The following OSBPL1A variants were observed in gnomAD, a reference collection of about 807,000 sequenced individuals.
The protein encoded by OSBPL1A is oxysterol binding protein like 1A, also known as oxysterol-binding protein-related protein 1.
In OSBPL1A, 80 loss-of-function variants were observed where a neutral mutation model predicts 137.1. The ratio of observed to expected loss-of-function variants is 0.58; its 90% CI spans 0.49 to 0.70. The LOEUF (loss-of-function observed/expected upper bound fraction) is 0.70, where lower values mean the gene tolerates loss of function less well. OSBPL1A is among the 30% of genes least tolerant of loss of function. The pLI is 0.00. For missense variants in OSBPL1A, 970 were observed against 1,129.4 expected (o/e 0.86, Z 2.02); for synonymous variants, 365 against 389.7 (o/e 0.94, Z 0.75).
At chr18:24,296,844 C>T (rs1157947357) in intron 14 of OSBPL1A, among the ~76,000 whole-genome samples, 1 of 152,100 alleles carries the variant, frequency 6.6e-6, no homozygotes, top group Non-Finnish European at 1.5e-5. Flanking sequence ...ATCCCTGGAA[C>T]AAAACCCACC....
chr18:24,183,101 C>T (rs2145926328), intron 18 of OSBPL1A, among the ~76,000 whole-genome samples: 1 of 152,094 alleles, frequency 6.6e-6, no homozygotes, highest in African/African-American at 2.4e-5. Flanking sequence ...GAACTCCTGA[C>T]CTCAAGGGAT....
At chr18:24,182,425 A>G (rs2086630737) in intron 18 of OSBPL1A, among the ~76,000 whole-genome samples, 3 of 152,336 alleles carry the variant, frequency 2.0e-5, no homozygotes, top group East Asian at 1.9e-4. Flanking sequence ...CTTGGGAATC[A>G]GGTCTTTCAT....
At chr18:24,224,635 G>T (rs940176403) in intron 17 of OSBPL1A, among the ~76,000 whole-genome samples, 2 of 152,200 alleles carry the variant, frequency 1.3e-5, no homozygotes, top group African/African-American at 4.8e-5. Flanking sequence ...CAACAGACTG[G>T]CAACATTGCC....
At chr18:24,358,628 G>C in intron 4 of OSBPL1A, 1 of 661,162 alleles carries the variant, frequency 1.5e-6, no homozygotes, top group Non-Finnish European at 2.7e-6. Context: ...ACATAAACAT[G>C]AGAAATGGTC....
At chr18:24,185,408 C>T (rs2086721060) in intron 18 of OSBPL1A, among the ~76,000 whole-genome samples, 1 of 151,862 alleles carries the variant, frequency 6.6e-6, no homozygotes, top group African/African-American at 2.4e-5. Context: ...CAACCTCCGC[C>T]TCCTGGGTTC....
chr18:24,209,581 A>G (rs532194803), intron 17 of OSBPL1A, among the ~76,000 whole-genome samples: 166 of 152,370 alleles, frequency 1.1e-3, no homozygotes, highest in African/African-American at 3.7e-3. Context: ...ATCTAGAAGA[A>G]CATTTATAAA....
Position 24,179,905 on chromosome 18 carries a change from T to G in OSBPL1A, c.1813-70A>C, listed in dbSNP as rs1003466810. 3 of 1,263,292 alleles carry G rather than the reference T, an allele frequency of 2.4e-6. No homozygotes were observed. In the African/African-American group the frequency reaches 4.4e-5, roughly 19 times the overall value. 78.3% of individuals were successfully genotyped at this position (1,263,292 alleles called of 1,614,324 possible). On this transcript the variant is annotated intron_variant, in intron 19 of 27. Transcript: ENST00000319481. ...CTCCGCATTCTTTTAGGAACTGAAA[T>G]TTTGCTGAAGACAGTAATTTACAGA...
chr18:24,374,895 T>A (rs1905965615), intron 2 of OSBPL1A, among the ~76,000 whole-genome samples: 1 of 152,008 alleles, frequency 6.6e-6, no homozygotes, highest in South Asian at 2.1e-4. Context: ...CAAAGCCAAG[T>A]CATAGATTCG....
At chr18:24,308,685 G>T (rs763983897) in intron 13 of OSBPL1A, among the ~76,000 whole-genome samples, 2 of 152,082 alleles carry the variant, frequency 1.3e-5, no homozygotes, top group Non-Finnish European at 2.9e-5. Context: ...CTATATCTTC[G>T]CTGTCCGTTG....
At chr18:24,315,064 C>A (rs1015806547) in intron 11 of OSBPL1A, among the ~76,000 whole-genome samples, 2 of 152,236 alleles carry the variant, frequency 1.3e-5, no homozygotes, top group East Asian at 1.9e-4. Context: ...AAAAGGCAAC[C>A]ACATGGAGGA....
intron 17 of OSBPL1A, among the ~76,000 whole-genome samples, chr18:24,214,554 C>T (rs78648525): frequency 0.019 from 2,908 of 152,282 alleles, 44 homozygotes; most frequent in Middle Eastern, 0.099. Context: ...AACTTGAACA[C>T]CTCCAGTTGG....
intron 12 of OSBPL1A, among the ~76,000 whole-genome samples, chr18:24,312,898 G>A (rs2090645733): frequency 6.6e-6 from 1 of 152,172 alleles, no homozygotes; most frequent in Non-Finnish European, 1.5e-5. Context: ...CACTCTGGGA[G>A]GGCAAGGTGG....
At chr18:24,165,833 A>C (rs1015367171) in intron 26 of OSBPL1A, among the ~76,000 whole-genome samples, 1 of 152,162 alleles carries the variant, frequency 6.6e-6, no homozygotes, top group Non-Finnish European at 1.5e-5. Context: ...ACAGTGGCTC[A>C]GCCTGTAATC....
Position 24,341,502 on chromosome 18 carries a change from A to G in OSBPL1A, c.394+45T>C, listed in dbSNP as rs566026626. Reference sequence around the variant, plus strand: ...GCCATTTTTAGTCAGAACCTTGGTTATAATGAAAGTAAATGCTGTTTATGT... The same window carrying G: ...GCCATTTTTAGTCAGAACCTTGGTTGTAATGAAAGTAAATGCTGTTTATGT... On this transcript the variant is annotated intron_variant, in intron 5 of 27. Coordinates refer to ENST00000319481, the MANE Select transcript of OSBPL1A (RefSeq NM_080597.4). The G allele has an allele frequency of 1.9e-5, 27 of 1,454,480 alleles. No homozygotes were observed. The East Asian group carries it at 5.7e-4, about 31-fold the overall frequency. 90.1% of individuals were successfully genotyped at this position (1,454,480 alleles called of 1,614,324 possible). A position where few individuals can be genotyped will look rare whatever the true frequency, so the allele number is the denominator to read the frequency against.
intron 14 of OSBPL1A, among the ~76,000 whole-genome samples, chr18:24,282,157 T>G (rs978321075): frequency 4.0e-5 from 6 of 149,704 alleles, no homozygotes; most frequent in African/African-American, 1.5e-4. Context: ...TGGGGAGCAC[T>G]GCCCTACAAG....
intron 2 of OSBPL1A, among the ~76,000 whole-genome samples, chr18:24,375,936 G>A (rs530395067): frequency 4.6e-5 from 7 of 152,220 alleles, no homozygotes; most frequent in Admixed American, 3.3e-4. Context: ...TTAAGGCGGC[G>A]CGTCTGGAGT....
chr18:24,369,148 A>G (rs570844847), intron 2 of OSBPL1A, among the ~76,000 whole-genome samples: 4 of 152,142 alleles, frequency 2.6e-5, no homozygotes, highest in Non-Finnish European at 5.9e-5. Context: ...AAAGCTGTGA[A>G]CTCTACAGAT....
At chr18:24,331,694 C>A (rs1005289500) in intron 7 of OSBPL1A, among the ~76,000 whole-genome samples, 5 of 150,674 alleles carry the variant, frequency 3.3e-5, no homozygotes, top group African/African-American at 1.2e-4. Context: ...CCGCGCCCGG[C>A]GGCATGTTCC....
At chr18:24,175,099 CATGTGT>C (rs139900416) in intron 21 of OSBPL1A, among the ~76,000 whole-genome samples, 627 of 56,902 alleles carry the variant, frequency 0.011, 14 homozygotes, top group South Asian at 0.096. Flanking sequence ...GCTTATTTGC[CATGTGT>C]ATGTATATAT....
Sources: gnomAD v4.1 joint callset for allele counts (sites outside exome capture counted in the v4.1 genomes callset) on GRCh38, gnomAD v4.1.1 for gene constraint, MANE v1.5 for transcripts, NCBI Gene and HGNC (gene_info 2026-07-23, HGNC 2026-07-21) for gene names.